Variants in ZDHHC11 observed in about 807,000 individuals in gnomAD.
The protein encoded by ZDHHC11 is palmitoyltransferase ZDHHC11.
In ZDHHC11, 44 loss-of-function variants were observed where a neutral mutation model predicts 51.3. The observed-to-expected ratio is 0.86, with a 90% CI of 0.67 to 1.10. The LOEUF (loss-of-function observed/expected upper bound fraction) is 1.10. Among genes scored for constraint, ZDHHC11 ranks in the 50% least tolerant of loss-of-function variants. ZDHHC11 has a pLI of 0.00. For missense variants in ZDHHC11, 400 were observed against 537.7 expected (o/e 0.74, Z 2.53); for synonymous variants, 163 against 222.0 (o/e 0.73, Z 2.36).
At position 856,697 on chromosome 5, in the gene ZDHHC11, G is replaced by C. The variant is rs372670826; in HGVS notation, c.-1+2177C>G. ...CAAGTACCAGACACCAACCACAAAC[G>C]CATCACTCTCCCCATACCACACAGG... On this transcript the variant is annotated intron_variant, in intron 1 of 3. Coordinates refer to the ZDHHC11 transcript ENST00000685990. Among the ~76,000 whole-genome samples the C allele has an allele frequency of 1.1e-4, 16 of 147,390 alleles. No homozygotes were observed. The East Asian group carries it at 2.4e-3, about 22-fold the overall frequency.
At chr5:797,364 C>T (rs1737741388) in intron 12 of ZDHHC11, among the ~76,000 whole-genome samples, 1 of 151,724 alleles carries the variant, frequency 6.6e-6, no homozygotes, top group Non-Finnish European at 1.5e-5. Context: ...GGCAAATTCT[C>T]AGCCAAATCT....
At chr5:853,495 C>T (rs1398483328), upstream of ZDHHC11, among the ~76,000 whole-genome samples, 2 of 145,600 alleles carry the variant, frequency 1.4e-5, no homozygotes, top group African/African-American at 5.2e-5. Flanking sequence ...ACAGACCCCA[C>T]AGAGGACAGC....
rs202091374 is a variant in ZDHHC11, at chr5:802,871, A to C, written c.1182-1707T>G. 6.0e-3 allele frequency among the ~76,000 whole-genome samples: 687 copies of C among 114,096 alleles called. 12 individuals are homozygous for C. The highest frequency in any genetic ancestry group is 0.024 in the African/African-American group (628 of 26,036). The allele number at this position is 114,096 out of a possible 152,430, so 74.9% of individuals were successfully genotyped here. ...AAAAAAAAAAAAAAAAAAAAAAAAA[A>C]AAAGCTAAATGTGGTGGTTAGTGCC... On this transcript the variant is annotated intron_variant, in intron 11 of 12. Coordinates refer to ENST00000283441, the MANE Select transcript of ZDHHC11 (RefSeq NM_024786.3).
intron 11 of ZDHHC11, among the ~76,000 whole-genome samples, chr5:802,058 G>C (rs956880573): frequency 1.1e-4 from 17 of 151,524 alleles, no homozygotes; most frequent in African/African-American, 3.9e-4. Flanking sequence ...GGTCAGGAGT[G>C]TGCTGCAGAA....
chr5:841,186 G>A (rs1744851736), intron 4 of ZDHHC11: 1 of 1,044,846 alleles, frequency 9.6e-7, no homozygotes, highest in Non-Finnish European at 1.2e-6. Context: ...CGGGGTCACA[G>A]CACCCACCCC....
At chr5:847,022 C>T (rs1746332311) in intron 3 of ZDHHC11, among the ~76,000 whole-genome samples, 1 of 149,838 alleles carries the variant, frequency 6.7e-6, no homozygotes, top group Non-Finnish European at 1.5e-5. Context: ...CTCTTCCTTG[C>T]ATCTCCACCG....
intron 9 of ZDHHC11, 127 bp downstream of exon 9, chr5:821,734 T>G: frequency 2.1e-6 from 2 of 960,496 alleles, no homozygotes; most frequent in Non-Finnish European, 3.1e-6. Flanking sequence ...AAGTGCCACC[T>G]CCTGGCACTT....
rs1746650106 is a variant in ZDHHC11, at chr5:848,726, C to G, written c.223-66G>C. 6.9e-6 allele frequency: 11 copies of G among 1,589,388 alleles called. No individual in the cohort carries two copies. The Admixed American group carries it at 1.4e-4, about 20-fold the overall frequency. ...CCTGGCACGAGGCGTCCCCGTGAGGCCCAAGGGCCCAGAAGAGGCGTGGCC... is the reference window on the plus strand; with the variant it reads ...CCTGGCACGAGGCGTCCCCGTGAGGGCCAAGGGCCCAGAAGAGGCGTGGCC... On this transcript the variant is annotated intron_variant, in intron 1 of 12. Coordinates refer to ENST00000283441, the MANE Select transcript of ZDHHC11 (RefSeq NM_024786.3).
At chr5:842,751 C>G (rs1388886803) in intron 4 of ZDHHC11, 13 of 899,526 alleles carry the variant, frequency 1.4e-5, no homozygotes, top group Non-Finnish European at 1.7e-5. Context: ...GCAGGCAGGG[C>G]TCTGACGTCC....
At chr5:850,323 A>T (rs565973081) in intron 1 of ZDHHC11, 58 bp downstream of exon 1, 27 of 1,567,600 alleles carry the variant, frequency 1.7e-5, no homozygotes, top group Middle Eastern at 1.7e-4. Flanking sequence ...AGCCAGGTCC[A>T]TCGCAAGTTC....
rs2150262741 is a variant in ZDHHC11 at position 796,272 on chromosome 5, A to T, written c.*316T>A. 1 of 154,586 alleles carries T rather than the reference A, an allele frequency of 6.5e-6. No homozygotes were observed. Among genetic ancestry groups the T allele is most frequent in the Non-Finnish European group, 1.5e-5 (1 of 68,070 alleles). 9.6% of individuals were successfully genotyped at this position (154,586 alleles called of 1,614,324 possible). On this transcript the variant is annotated 3_prime_UTR_variant, in exon 13 of 13. Transcript: ENST00000283441. ...CCTGCAGCTGGCTGGCTGGCTGGAC[A>T]GCACAGTTAAGCAGGTGGCTGCATC...
At chr5:797,214 ATG>A (rs376163224) in intron 12 of ZDHHC11, among the ~76,000 whole-genome samples, 4 of 148,726 alleles carry the variant, frequency 2.7e-5, no homozygotes, top group East Asian at 2.0e-4. Context: ...CTAAATACAT[ATG>A]TGTGTGTGTG....
intron 7 of ZDHHC11, among the ~76,000 whole-genome samples, chr5:829,182 C>CA (rs765529783): frequency 5.4e-5 from 8 of 147,914 alleles, no homozygotes; most frequent in South Asian, 4.3e-4. Flanking sequence ...AACAAAAAAA[C>CA]AAAAAAACCA....
At chr5:828,655 G>A (rs1266222870) in intron 7 of ZDHHC11, among the ~76,000 whole-genome samples, 5 of 151,224 alleles carry the variant, frequency 3.3e-5, no homozygotes, top group African/African-American at 1.2e-4. Flanking sequence ...AAAAGGACTT[G>A]ACAGATATTT....
rs528116435 is a variant in ZDHHC11, at chr5:837,438, C to A, written c.827G>T (p.Arg276Leu). 15 of 1,589,974 alleles carry A rather than the reference C, an allele frequency of 9.4e-6. No individual in the cohort carries two copies. The East Asian group carries it at 2.9e-4, about 31-fold the overall frequency. ...MTTFEYLINN[R>L]KEESSKHQAV... ...TTGATGTTTTGAACTCTCTTCTTTG[C>A]GGTTATTAATGAGATACTCAAAGGT... Residue 276 changes from arginine to leucine, a missense_variant, in exon 6 of 13, where the codon CGC (arginine) becomes CTC (leucine). Physicochemically the swap from Arg to Leu is moderately radical, Grantham distance 102 (BLOSUM62 -2). Coordinates refer to ENST00000283441, the MANE Select transcript of ZDHHC11 (RefSeq NM_024786.3).
chr5:853,033 GC>G (rs1747519482), upstream of ZDHHC11, among the ~76,000 whole-genome samples: 1 of 148,674 alleles, frequency 6.7e-6, no homozygotes, highest in African/African-American at 2.5e-5. Flanking sequence ...CGAGCAGCGG[GC>G]ACAGACCCCA....
upstream of ZDHHC11, among the ~76,000 whole-genome samples, chr5:859,627 G>A (rs528585707): frequency 3.9e-5 from 6 of 152,276 alleles, no homozygotes; most frequent in South Asian, 2.1e-4. Flanking sequence ...GTAGTCTCGC[G>A]AGTGCAGGGA....
chr5:805,783 C>T (rs751960791), intron 11 of ZDHHC11, among the ~76,000 whole-genome samples: 1 of 150,968 alleles, frequency 6.6e-6, no homozygotes, highest in Non-Finnish European at 1.5e-5. Flanking sequence ...AGCTGAAGTG[C>T]CTGTGGACAA....
chr5:831,281 G>C (rs369844142), intron 7 of ZDHHC11, among the ~76,000 whole-genome samples: 1 of 149,280 alleles, frequency 6.7e-6, no homozygotes, highest in Non-Finnish European at 1.5e-5. Flanking sequence ...AAACAAATCC[G>C]CAAGAAAAAA....
Sources: gnomAD v4.1 joint callset for allele counts (sites outside exome capture counted in the v4.1 genomes callset) on GRCh38, gnomAD v4.1.1 for gene constraint, MANE v1.5 for transcripts, NCBI Gene and HGNC (gene_info 2026-07-23, HGNC 2026-07-21) for gene names.